METTL25: variants seen among roughly 807,000 people sequenced by gnomAD.
The protein encoded by METTL25 is probable methyltransferase-like protein 25.
METTL25 carries 64 observed loss-of-function variants against 71.6 expected under a neutral mutation model. The observed-to-expected ratio is 0.89, with a 90% CI of 0.73 to 1.10. The LOEUF (loss-of-function observed/expected upper bound fraction) is 1.10, where lower values mean the gene tolerates loss of function less well. Among genes scored for constraint, METTL25 ranks in the 50% least tolerant of loss-of-function variants. The probability of loss-of-function intolerance (pLI) is 0.00; values close to 1 mark genes in which losing one functional copy is unlikely to be tolerated. For synonymous variants in METTL25, 287 were observed against 250.3 expected, an observed-to-expected ratio of 1.15 and a Z score of -1.38; for missense variants, 807 against 707.0, an observed-to-expected ratio of 1.14 and a Z score of -1.60.
intron 7 of METTL25, among the ~76,000 whole-genome samples, chr12:82,435,495 G>T (rs1044928482): frequency 6.6e-6 from 1 of 151,280 alleles, no homozygotes; most frequent in African/African-American, 2.4e-5. Context: ...TCTTAAAATT[G>T]ATAAAATCTG....
At chr12:82,470,012 C>T (rs538234035) in intron 9 of METTL25, among the ~76,000 whole-genome samples, 12 of 152,230 alleles carry the variant, frequency 7.9e-5, no homozygotes, top group East Asian at 1.9e-4. Flanking sequence ...CCAACATGAA[C>T]GCTTTAGAAT....
At chr12:82,452,112 A>T (rs1458096970) in intron 8 of METTL25, among the ~76,000 whole-genome samples, 1 of 152,158 alleles carries the variant, frequency 6.6e-6, no homozygotes, top group Non-Finnish European at 1.5e-5. Flanking sequence ...ATTATTAAAT[A>T]TGAAGAGTAA....
At chr12:82,427,431 C>G (rs1889118874) in intron 5 of METTL25, among the ~76,000 whole-genome samples, 1 of 151,892 alleles carries the variant, frequency 6.6e-6, no homozygotes. Context: ...ATAATATACC[C>G]TTTCCAGTGT....
At chr12:82,435,347 T>C (rs1262007734) in intron 7 of METTL25, among the ~76,000 whole-genome samples, 1 of 151,484 alleles carries the variant, frequency 6.6e-6, no homozygotes, top group East Asian at 1.9e-4. Flanking sequence ...CATTAATGTG[T>C]CAATTTGAAT....
At chr12:82,389,692 C>A in intron 2 of METTL25, 124 bp from the exon 3 acceptor site, 1 of 567,428 alleles carries the variant, frequency 1.8e-6, no homozygotes, top group Admixed American at 3.1e-5. Flanking sequence ...GAGATCTATC[C>A]AGAAACCACA....
At chr12:82,471,014 A>G (rs1592779534) in intron 9 of METTL25, among the ~76,000 whole-genome samples, 1 of 152,306 alleles carries the variant, frequency 6.6e-6, no homozygotes, top group Non-Finnish European at 1.5e-5. Flanking sequence ...GCTTGCTTTC[A>G]AAGTGAACAT....
At chr12:82,361,519 G>A (rs1435746476) in intron 1 of METTL25, among the ~76,000 whole-genome samples, 1 of 152,172 alleles carries the variant, frequency 6.6e-6, no homozygotes, top group Non-Finnish European at 1.5e-5. Context: ...GTGGGGGGGA[G>A]GGGGACTCAG....
intron 2 of METTL25, among the ~76,000 whole-genome samples, chr12:82,387,696 C>G (rs1304155129): frequency 1.7e-5 from 2 of 121,056 alleles, no homozygotes; most frequent in Non-Finnish European, 3.4e-5. Flanking sequence ...TGTTGTAGTT[C>G]TCTTCTACAC....
At chr12:82,374,453 G>C (rs1273236485) in intron 1 of METTL25, 1 of 152,312 alleles carries the variant, frequency 6.6e-6, no homozygotes, top group African/African-American at 2.4e-5. Context: ...ACAGAGTGCT[G>C]ATTGGTGCGT....
intron 1 of METTL25, among the ~76,000 whole-genome samples, chr12:82,362,750 T>G (rs1199634381): frequency 6.6e-6 from 1 of 152,158 alleles, no homozygotes; most frequent in Non-Finnish European, 1.5e-5. Flanking sequence ...TGAAGGAAAT[T>G]AAGGGAAGAA....
chr12:82,367,951 A>G (rs1370072071), intron 1 of METTL25, among the ~76,000 whole-genome samples: 4 of 152,144 alleles, frequency 2.6e-5, no homozygotes, highest in African/African-American at 4.8e-5. Flanking sequence ...TTGCAGCTCA[A>G]TTTCCCCTTT....
intron 5 of METTL25, among the ~76,000 whole-genome samples, chr12:82,407,547 A>G (rs1019333759): frequency 3.9e-5 from 6 of 152,282 alleles, no homozygotes; most frequent in African/African-American, 1.4e-4. Flanking sequence ...TCAGTGGGGA[A>G]AGCTAATAGT....
intron 5 of METTL25, among the ~76,000 whole-genome samples, chr12:82,419,692 T>TAAAA (rs777616999): frequency 4.0e-4 from 6 of 15,168 alleles, no homozygotes; most frequent in Non-Finnish European, 1.0e-3. Context: ...ATGACTGCTA[T>TAAAA]TAAAAAAAAA....
intron 9 of METTL25, among the ~76,000 whole-genome samples, chr12:82,471,374 C>T (rs956783100): frequency 9.2e-5 from 14 of 152,166 alleles, no homozygotes; most frequent in African/African-American, 3.1e-4. Flanking sequence ...GTTTATGGCA[C>T]CTGCCCTATT....
intron 3 of METTL25, among the ~76,000 whole-genome samples, chr12:82,397,721 G>T (rs945134173): frequency 1.3e-5 from 2 of 151,640 alleles, no homozygotes; most frequent in Non-Finnish European, 1.5e-5. Flanking sequence ...ATTATCTTGG[G>T]CACTTTGTCC....
intron 1 of METTL25, among the ~76,000 whole-genome samples, chr12:82,367,997 C>T (rs1882757375): frequency 6.6e-6 from 1 of 152,036 alleles, no homozygotes; most frequent in African/African-American, 2.4e-5. Flanking sequence ...TCTGAAAGGT[C>T]TCCATAAAAG....
chr12:82,473,156 T>TGCTA (rs1697006034), intron 9 of METTL25, among the ~76,000 whole-genome samples: 1 of 152,048 alleles, frequency 6.6e-6, no homozygotes, highest in African/African-American at 2.4e-5. Flanking sequence ...GGGGCAGCTT[T>TGCTA]GCTAGGCATG....
At chr12:82,390,924 A>G (rs573332680) in intron 3 of METTL25, among the ~76,000 whole-genome samples, 5 of 152,184 alleles carry the variant, frequency 3.3e-5, no homozygotes, top group African/African-American at 9.6e-5. Flanking sequence ...GCCAACCTCT[A>G]TTAAGAGCAG....
rs1477787055 is a variant in METTL25, at chr12:82,403,123, G to T, written c.1272G>T (p.Gln424His). The part of the protein sequence containing the change: ...YHLLSEEFEN[Q>H]HKERTQEKWG... ...TCTTATCTGAAGAATTTGAAAACCA[G>T]CATAAAGGTACAAGTTCCCCATGTG... is the stretch of plus-strand genomic sequence containing the variant. Residue 424 changes from glutamine (Q) to histidine (H), a missense_variant, in exon 5 of 12, where the codon CAG (glutamine) becomes CAT (histidine). By Grantham distance (24) the Gln-to-His change is conservative. Transcript: ENST00000248306. 2 of 1,610,474 alleles carry T rather than the reference G, an allele frequency of 1.2e-6. No homozygotes were observed. Among genetic ancestry groups the T allele is most frequent in the African/African-American group, 2.7e-5 (2 of 74,668 alleles).
Sources: allele counts gnomAD v4.1 joint callset (sites outside exome capture counted in the v4.1 genomes callset), GRCh38; gene constraint gnomAD v4.1.1; transcripts MANE v1.5; gene names NCBI Gene and HGNC (gene_info 2026-07-23, HGNC 2026-07-21).